The following TCF12 variants were observed in gnomAD, a reference collection of about 807,000 sequenced individuals.
TCF12 encodes DNA-binding protein HTF4.
TCF12 carries 45 observed loss-of-function variants against 86.0 expected under a neutral mutation model. The observed-to-expected ratio is 0.52, with a 90% CI of 0.41 to 0.67. The LOEUF (loss-of-function observed/expected upper bound fraction) is 0.67, where lower values mean the gene tolerates loss of function less well. Among genes scored for constraint, TCF12 ranks in the 30% least tolerant of loss-of-function variants. The probability of loss-of-function intolerance (pLI) is 0.00; values close to 1 mark genes in which losing one functional copy is unlikely to be tolerated. For synonymous variants in TCF12, 330 were observed against 299.6 expected (o/e 1.10, Z -1.05); for missense variants, 881 against 859.9 (o/e 1.02, Z -0.31).
intron 5 of TCF12, among the ~76,000 whole-genome samples, chr15:57,121,316 G>A (rs559917078): frequency 1.3e-5 from 2 of 152,286 alleles, no homozygotes; most frequent in Admixed American, 1.3e-4. Flanking sequence ...GGTTCACTCT[G>A]AAATTAGAGC....
intron 13 of TCF12, among the ~76,000 whole-genome samples, chr15:57,244,019 C>T (rs1247971129): frequency 6.6e-6 from 1 of 152,042 alleles, no homozygotes; most frequent in African/African-American, 2.4e-5. Flanking sequence ...ACTGGGAATA[C>T]AGGTGTATGC....
At chr15:57,024,058 A>G (rs1385834705) in intron 3 of TCF12, among the ~76,000 whole-genome samples, 1 of 152,096 alleles carries the variant, frequency 6.6e-6, no homozygotes, top group Non-Finnish European at 1.5e-5. Flanking sequence ...CCTGGTTCCT[A>G]ATAGGCCACA....
chr15:57,222,537 A>T (rs1362541193), intron 8 of TCF12, among the ~76,000 whole-genome samples: 1 of 151,870 alleles, frequency 6.6e-6, no homozygotes, highest in Middle Eastern at 3.4e-3. Context: ...ATGTGGGTTT[A>T]TAGTAAGTAT....
chr15:57,203,581 T>C (rs2057661700), intron 8 of TCF12, among the ~76,000 whole-genome samples: 1 of 152,224 alleles, frequency 6.6e-6, no homozygotes. Context: ...TGCATCAAAA[T>C]GACGTGTCTT....
rs912306161 is a variant in TCF12, at chr15:57,056,820, T to C, written c.149-6930T>C. Among the ~76,000 whole-genome samples the C allele has an allele frequency of 1.0e-4, 15 of 147,188 alleles. No homozygotes were observed. In the East Asian group the frequency reaches 1.2e-3, roughly 12 times the overall value. ...TGAGATTTTCACTTTTTTTTTTTTTTCATTAAAAGCATGTATCTTTCACTT... is the reference window on the plus strand; with the variant it reads ...TGAGATTTTCACTTTTTTTTTTTTTCCATTAAAAGCATGTATCTTTCACTT... On this transcript the variant is annotated intron_variant, in intron 3 of 20. Transcript: ENST00000333725.
chr15:57,215,820 A>C (rs1423340939), intron 8 of TCF12, among the ~76,000 whole-genome samples: 1 of 152,168 alleles, frequency 6.6e-6, no homozygotes, highest in African/African-American at 2.4e-5. Context: ...TCCAAATATC[A>C]GGATAAAAAT....
intron 5 of TCF12, among the ~76,000 whole-genome samples, chr15:57,144,388 G>A (rs1402878794): frequency 2.6e-5 from 4 of 152,194 alleles, no homozygotes; most frequent in Non-Finnish European, 4.4e-5. Context: ...AGAACAGGGC[G>A]TATTCCTGAA....
At chr15:57,245,938 C>G (rs113217515) in intron 13 of TCF12, among the ~76,000 whole-genome samples, 1 of 152,032 alleles carries the variant, frequency 6.6e-6, no homozygotes, top group Non-Finnish European at 1.5e-5. Flanking sequence ...CACACACACA[C>G]CCTTACCCAC....
At chr15:57,049,968 G>A (rs561487692) in intron 3 of TCF12, among the ~76,000 whole-genome samples, 26 of 152,086 alleles carry the variant, frequency 1.7e-4, no homozygotes, top group Middle Eastern at 3.4e-3. Flanking sequence ...ATTCCTCAAC[G>A]TGGCTTTTTA....
At chr15:56,938,589 T>C (rs1250753122) in intron 3 of TCF12, among the ~76,000 whole-genome samples, 1 of 152,108 alleles carries the variant, frequency 6.6e-6, no homozygotes, top group Admixed American at 6.5e-5. Context: ...TTGGTACTAA[T>C]TCTTCTTTGA....
intron 4 of TCF12, among the ~76,000 whole-genome samples, chr15:57,067,635 T>C (rs1476363438): frequency 6.6e-6 from 1 of 151,580 alleles, no homozygotes; most frequent in Non-Finnish European, 1.5e-5. Context: ...TTCCTAAGCA[T>C]GTCTCAGCAT....
chr15:57,038,771 TG>T (rs1349330506), intron 3 of TCF12, among the ~76,000 whole-genome samples: 2 of 152,220 alleles, frequency 1.3e-5, no homozygotes, highest in Admixed American at 1.3e-4. Flanking sequence ...AAGGGAATAT[TG>T]GGGAGATCTG....
intron 8 of TCF12, among the ~76,000 whole-genome samples, chr15:57,220,949 C>T (rs1294814782): frequency 6.6e-6 from 1 of 151,978 alleles, no homozygotes; most frequent in East Asian, 1.9e-4. Context: ...AGAGAATATT[C>T]AATTACATTT....
rs145368040 is a variant in TCF12 at position 57,186,109 on chromosome 15, A to G, written c.391-6049A>G. Among the ~76,000 whole-genome samples, 19 of 152,362 alleles carry G rather than the reference A, an allele frequency of 1.2e-4. No individual in the cohort carries two copies. In the East Asian group the frequency reaches 2.5e-3, roughly 20 times the overall value. On this transcript the variant is annotated intron_variant, in intron 6 of 20. Transcript: ENST00000333725. Reference sequence around the variant, plus strand: ...GAAGTAGACAAATTCCTAGATATAAACACACTACCAAAACTGGCTTAAGAA... The same window carrying G: ...GAAGTAGACAAATTCCTAGATATAAGCACACTACCAAAACTGGCTTAAGAA...
chr15:56,969,968 G>T (rs1197144326), intron 3 of TCF12, among the ~76,000 whole-genome samples: 1 of 152,072 alleles, frequency 6.6e-6, no homozygotes, highest in Non-Finnish European at 1.5e-5. Context: ...CTGTGTGTGT[G>T]GTTTAACTTT....
At chr15:57,247,090 T>C (rs1251936319) in intron 13 of TCF12, 3 of 573,660 alleles carry the variant, frequency 5.2e-6, no homozygotes, top group South Asian at 3.0e-5. Flanking sequence ...CCGAACTCAT[T>C]ATAGTTCCCA....
At chr15:56,927,184 A>G (rs757499741) in intron 3 of TCF12, among the ~76,000 whole-genome samples, 10 of 152,186 alleles carry the variant, frequency 6.6e-5, no homozygotes, top group Non-Finnish European at 1.2e-4. Context: ...TGCATTTTAT[A>G]TTTCACATGA....
At chr15:57,136,970 GTTTT>G (rs1402740121) in intron 5 of TCF12, among the ~76,000 whole-genome samples, 1 of 40,830 alleles carries the variant, frequency 2.4e-5, no homozygotes, top group Non-Finnish European at 4.9e-5. Context: ...TTTTTTTTTT[GTTTT>G]TTTTTTTTTT....
At chr15:57,072,779 C>G in intron 4 of TCF12, 3 of 1,103,200 alleles carry the variant, frequency 2.7e-6, no homozygotes, top group Non-Finnish European at 2.4e-6. Flanking sequence ...GTAACTGCTC[C>G]TTCTGAATGT....
Sources: allele counts gnomAD v4.1 joint callset (sites outside exome capture counted in the v4.1 genomes callset), GRCh38; gene constraint gnomAD v4.1.1; transcripts MANE v1.5; gene names NCBI Gene and HGNC (gene_info 2026-07-23, HGNC 2026-07-21).